Variants in LSM14B observed in about 807,000 individuals in gnomAD.
The protein encoded by LSM14B is LSM family member 14B.
A neutral mutation model predicts 42.1 loss-of-function variants in LSM14B; 8 were observed. The observed-to-expected ratio is 0.19, with a 90% CI of 0.11 to 0.34. The LOEUF (loss-of-function observed/expected upper bound fraction) is 0.34. LSM14B is among the 10% of genes least tolerant of loss of function. LSM14B has a pLI of 1.00. For missense variants in LSM14B, 396 were observed against 513.1 expected (o/e 0.77, Z 2.21); for synonymous variants, 219 against 209.7 (o/e 1.04, Z -0.38).
intron 3 of LSM14B, 118 bp downstream of exon 3, chr20:62,126,557 T>C (rs1410048195): frequency 6.8e-6 from 9 of 1,323,140 alleles, no homozygotes; most frequent in South Asian, 4.3e-5. Flanking sequence ...TAGACTGTTT[T>C]GTTGCACACT....
At chr20:62,128,709 A>G (rs933287036) in intron 3 of LSM14B, among the ~76,000 whole-genome samples, 1 of 152,226 alleles carries the variant, frequency 6.6e-6, no homozygotes, top group African/African-American at 2.4e-5. Context: ...TCAGTGAGAA[A>G]GTGGCCCGGG....
In LSM14B at chr20:62,133,440, G is replaced by C; in HGVS notation, c.1137G>C (p.Arg379Ser). 1 of 1,612,902 alleles carries C rather than the reference G, an allele frequency of 6.2e-7. No homozygotes were observed. Residue 379 changes from arginine to serine, a missense_variant, in exon 8 of 9, where the codon AGG becomes AGC. Around this residue, in one of 3 missense-constraint regions of LSM14B, gnomAD observed 118 missense variants for 156.4 expected, o/e 0.75. Transcript: ENST00000279068. ...GTTRRNPTSH[R>S]AGTGRV ...CCCGTCGCAACCCCACTTCCCACAG[G>C]GCCGGGACTGGCAGGGTGTGAGGGT... is the stretch of plus-strand genomic sequence containing the variant.
In LSM14B at chr20:62,130,409, G is replaced by A. The variant is rs762549077; in HGVS notation, c.673+113G>A. ...GTTTCAGGGGTGCTGGTGTGAAGTC[G>A]CTGCTTGTGTGCTCTGTTCCTTCTG... On this transcript the variant is annotated intron_variant, in intron 5 of 8. Transcript: ENST00000279068. The surrounding 1 kb of genome is among the most constrained non-coding windows in gnomAD (Gnocchi z 4.1). The A allele has an allele frequency of 1.2e-4, 180 of 1,527,688 alleles. No individual in the cohort carries two copies. The highest frequency in any genetic ancestry group is 1.4e-4 in the Non-Finnish European group (158 of 1,125,376). 94.6% of individuals were successfully genotyped at this position (1,527,688 alleles called of 1,614,324 possible). A position where few individuals can be genotyped will look rare whatever the true frequency, so the allele number is the denominator to read the frequency against.
chr20:62,122,853 G>A lies in LSM14B; in HGVS notation c.127+60G>A, dbSNP rs2056442616. 2 of 1,363,040 alleles carry A rather than the reference G, an allele frequency of 1.5e-6. No homozygotes were observed. The highest frequency in any genetic ancestry group is 2.9e-5 in the Admixed American group (1 of 33,958). 84.4% of individuals were successfully genotyped at this position (1,363,040 alleles called of 1,614,324 possible). On this transcript the variant is annotated intron_variant, in intron 1 of 8. Coordinates refer to ENST00000279068, the MANE Select transcript of LSM14B (RefSeq NM_144703.3). The surrounding 1 kb of genome is among the most constrained non-coding windows in gnomAD (Gnocchi z 4.6). Reference sequence around the variant, plus strand: ...CCGTCCGCCAACAGCCCCGGCCTGCGGTGCCCTCCCCGCCCCGGGGCGCCC... The same window carrying A: ...CCGTCCGCCAACAGCCCCGGCCTGCAGTGCCCTCCCCGCCCCGGGGCGCCC...
At chr20:62,124,954 C>T (rs1008269793) in intron 2 of LSM14B, among the ~76,000 whole-genome samples, 174 bp downstream of exon 2, 5 of 151,758 alleles carry the variant, frequency 3.3e-5, no homozygotes, top group Non-Finnish European at 7.4e-5. Context: ...GATCTCAGCT[C>T]ATTGCAACTT....
At chr20:62,127,445 TGG>T (rs2056639367) in intron 3 of LSM14B, 2 of 643,558 alleles carry the variant, frequency 3.1e-6, no homozygotes, top group South Asian at 3.8e-5. Flanking sequence ...CCCAGCTCTC[TGG>T]GTTTCTAAAA....
intron 3 of LSM14B, among the ~76,000 whole-genome samples, chr20:62,126,891 G>A (rs548976616): frequency 2.0e-5 from 3 of 152,168 alleles, no homozygotes; most frequent in South Asian, 2.1e-4. Context: ...CAGCTACTTG[G>A]GGGGTTGAGG....
chr20:62,127,670 G>A (rs1415096513), intron 3 of LSM14B: 1 of 1,550,968 alleles, frequency 6.4e-7, no homozygotes. Context: ...AGCTTGACTT[G>A]TCCTCAGAGC....
intron 3 of LSM14B, chr20:62,128,836 C>A: frequency 2.6e-6 from 2 of 764,814 alleles, no homozygotes; most frequent in Non-Finnish European, 3.7e-6. Flanking sequence ...TTTTTTTTTT[C>A]ATTTCTATTC....
rs2056434908 is a variant in LSM14B at position 62,122,656 on chromosome 20, C to G, written c.-11C>G. ...TTCCCCACCGCGGCCCGACGCACCC[C>G]GGCCGCCGCCATGAGCGGCTCCTCA... On this transcript the variant is annotated 5_prime_UTR_variant, in exon 1 of 9. Transcript: ENST00000279068. The surrounding 1 kb of genome is among the most constrained non-coding windows in gnomAD (Gnocchi z 4.6). 1.4e-6 allele frequency: 2 copies of G among 1,415,572 alleles called. No individual in the cohort carries two copies. The highest frequency in any genetic ancestry group is 2.7e-5 in the South Asian group (2 of 75,286). The allele number at this position is 1,415,572 out of a possible 1,614,324, so 87.7% of individuals were successfully genotyped here. A position where few individuals can be genotyped will look rare whatever the true frequency, so the allele number is the denominator to read the frequency against.
At chr20:62,128,184 T>C (rs552115104) in intron 3 of LSM14B, among the ~76,000 whole-genome samples, 2 of 152,340 alleles carry the variant, frequency 1.3e-5, no homozygotes, top group African/African-American at 2.4e-5. Context: ...ATCAGCCTGA[T>C]GGCCAGCTGG....
At chr20:62,125,589 A>G (rs1459408244) in intron 2 of LSM14B, among the ~76,000 whole-genome samples, 2 of 152,214 alleles carry the variant, frequency 1.3e-5, no homozygotes, top group African/African-American at 2.4e-5. Flanking sequence ...TATTTTGCCC[A>G]TGCTCCCCCA....
intron 3 of LSM14B, among the ~76,000 whole-genome samples, chr20:62,128,435 C>T (rs977807432): frequency 1.3e-5 from 2 of 152,240 alleles, no homozygotes; most frequent in African/African-American, 4.8e-5. Context: ...TGTCATTCTG[C>T]AGGTGCTGCT....
chr20:62,132,651 GT>G (rs2056799082), intron 7 of LSM14B, among the ~76,000 whole-genome samples: 1 of 152,204 alleles, frequency 6.6e-6, no homozygotes, highest in South Asian at 2.1e-4. Flanking sequence ...TGGAGTTGCT[GT>G]TTCTTTGAAC....
intron 2 of LSM14B, among the ~76,000 whole-genome samples, chr20:62,125,561 G>A (rs1447853411): frequency 6.6e-6 from 1 of 152,256 alleles, no homozygotes; most frequent in Non-Finnish European, 1.5e-5. Flanking sequence ...CCATGTGCCT[G>A]CTTATTGGGT....
In LSM14B at chr20:62,122,505, G is replaced by C. The variant is rs2056428859; in HGVS notation, c.-162G>C. The C allele has an allele frequency of 2.6e-6, 1 of 381,280 alleles. No homozygotes were observed. The highest frequency in any genetic ancestry group is 3.6e-6 in the Non-Finnish European group (1 of 278,006). 23.6% of individuals were successfully genotyped at this position (381,280 alleles called of 1,614,324 possible). ...CGCGCCCCTTCTTGGTTCGCTCGGT[G>C]CCCGCGCAGGCCCCTCGGGCGGTGG... On this transcript the variant is annotated 5_prime_UTR_variant, in exon 1 of 9. Transcript: ENST00000279068. The surrounding 1 kb of genome is among the most constrained non-coding windows in gnomAD (Gnocchi z 4.6).
At chr20:62,124,866 C>CA in intron 2 of LSM14B, 86 bp downstream of exon 2, 1 of 1,258,000 alleles carries the variant, frequency 7.9e-7, no homozygotes, top group Non-Finnish European at 1.1e-6. Context: ...TCAGAACGCT[C>CA]AATGTGAGGA....
chr20:62,133,288 A>G lies in LSM14B; in HGVS notation c.987-2A>G. Reference sequence around the variant, plus strand: ...ACAATCAGCATTTCCTCTGTGGTTTAGCTCCAGGCGGACGACGTGGGCCGA... The same window carrying G: ...ACAATCAGCATTTCCTCTGTGGTTTGGCTCCAGGCGGACGACGTGGGCCGA... On this transcript the variant is annotated splice_acceptor_variant, in intron 7 of 8. Transcript: ENST00000279068. LOFTEE classifies it high-confidence loss of function. The G allele has an allele frequency of 6.2e-7, 1 of 1,612,848 alleles. No homozygotes were observed. The highest frequency in any genetic ancestry group is 2.2e-5 in the East Asian group (1 of 44,742).
At chr20:62,126,254 G>T in intron 2 of LSM14B, 50 bp from the exon 3 acceptor site, 1 of 1,613,302 alleles carries the variant, frequency 6.2e-7, no homozygotes. Context: ...GAAGGCGTGC[G>T]GGGTGATGGG....
Sources: gnomAD v4.1 joint callset for allele counts (sites outside exome capture counted in the v4.1 genomes callset) on GRCh38, gnomAD v4.1.1 for gene constraint, gnomAD v4.1.1 regional missense constraint, Gnocchi (gnomAD v3.1) non-coding constraint, MANE v1.5 for transcripts, NCBI Gene and HGNC (gene_info 2026-07-23, HGNC 2026-07-21) for gene names.